The following SENP5 variants were observed in gnomAD, a reference collection of about 807,000 sequenced individuals.
The protein encoded by SENP5 is sentrin-specific protease 5.
In SENP5, 21 loss-of-function variants were observed where a neutral mutation model predicts 74.2. The observed-to-expected ratio is 0.28, with a 90% confidence interval of 0.20 to 0.41. The LOEUF (loss-of-function observed/expected upper bound fraction) is 0.41. Ranked by LOEUF, SENP5 falls within the 10% of genes least tolerant of loss-of-function variation. The pLI, the probability that SENP5 is intolerant of heterozygous loss-of-function variation, is 1.00. For synonymous variants in SENP5, 311 were observed against 312.7 expected (o/e 0.99, Z 0.06); for missense variants, 717 against 889.1 (o/e 0.81, Z 2.46).
intron 7 of SENP5, among the ~76,000 whole-genome samples, chr3:196,924,571 A>G (rs182587503): frequency 1.3e-5 from 2 of 152,150 alleles, no homozygotes; most frequent in Admixed American, 6.6e-5. Flanking sequence ...AAGTGATGCT[A>G]TTCAAGTGTC....
intron 9 of SENP5, 104 bp downstream of exon 9, chr3:196,929,787 C>T (rs769713342): frequency 2.2e-5 from 17 of 772,264 alleles, no homozygotes; most frequent in Non-Finnish European, 3.4e-5. Flanking sequence ...ATGCTAGGTA[C>T]GAGCAACGGA....
intron 7 of SENP5, among the ~76,000 whole-genome samples, chr3:196,924,308 C>T (rs1465047390): frequency 6.6e-6 from 1 of 152,062 alleles, no homozygotes; most frequent in African/African-American, 2.4e-5. Flanking sequence ...AAAGGACAAG[C>T]AACAGACTTG....
intron 5 of SENP5, 110 bp from the exon 6 acceptor site, chr3:196,903,419 TTTCC>T (rs1714780432): frequency 1.0e-5 from 6 of 583,872 alleles, no homozygotes; most frequent in East Asian, 3.1e-5. Flanking sequence ...TGAAGAAATT[TTTCC>T]TTCCTTTTTG....
At chr3:196,894,574 C>T (rs1320827681) in intron 2 of SENP5, among the ~76,000 whole-genome samples, 1 of 151,112 alleles carries the variant, frequency 6.6e-6, no homozygotes, top group Non-Finnish European at 1.5e-5. Flanking sequence ...GTCTGGGAAC[C>T]AATGAAATTA....
chr3:196,888,434 TCAGC>T (rs1714065063), intron 2 of SENP5, among the ~76,000 whole-genome samples: 1 of 151,774 alleles, frequency 6.6e-6, no homozygotes, highest in Non-Finnish European at 1.5e-5. Context: ...AATACAAAAA[TCAGC>T]CAGGTGTTGT....
At chr3:196,921,750 A>C (rs1715628342) in intron 6 of SENP5, among the ~76,000 whole-genome samples, 1 of 152,248 alleles carries the variant, frequency 6.6e-6, no homozygotes, top group Non-Finnish European at 1.5e-5. Flanking sequence ...ATTTTGCTCC[A>C]AGGTCATGAA....
intron 1 of SENP5, among the ~76,000 whole-genome samples, chr3:196,870,681 C>A (rs1186812509): frequency 6.6e-6 from 1 of 151,872 alleles, no homozygotes; most frequent in African/African-American, 2.4e-5. Flanking sequence ...CCACGCCCGG[C>A]TAATTTTTGT....
chr3:196,897,511 C>T (rs566703458), intron 2 of SENP5, among the ~76,000 whole-genome samples: 2 of 152,330 alleles, frequency 1.3e-5, no homozygotes, highest in South Asian at 4.1e-4. Context: ...TATGTTAAGC[C>T]TTGAAAATTG....
chr3:196,883,299 A>T (rs754807241), intron 1 of SENP5, among the ~76,000 whole-genome samples: 2 of 152,086 alleles, frequency 1.3e-5, no homozygotes, highest in Non-Finnish European at 2.9e-5. Flanking sequence ...GACATCCCCA[A>T]ATATCACTAT....
chr3:196,870,815 G>T (rs1331440838), intron 1 of SENP5, among the ~76,000 whole-genome samples: 1 of 152,070 alleles, frequency 6.6e-6, no homozygotes, highest in East Asian at 1.9e-4. Context: ...ACTGTATCCG[G>T]TCAGCAGCAT....
In SENP5 at chr3:196,868,757, A is replaced by G. The variant is rs144805892; in HGVS notation, c.-32+684A>G. ...AGGTAAAGTGGGACTTTCTTCTACCAATGTAAATTATAATGTTTGGAGAAT... is the reference window on the plus strand; with the variant it reads ...AGGTAAAGTGGGACTTTCTTCTACCGATGTAAATTATAATGTTTGGAGAAT... On this transcript the variant is annotated intron_variant, in intron 1 of 9. Coordinates refer to ENST00000323460, the MANE Select transcript of SENP5 (RefSeq NM_152699.5). 4.8e-3 allele frequency among the ~76,000 whole-genome samples: 726 copies of G among 152,338 alleles called. 2 individuals are homozygous for G. The highest frequency in any genetic ancestry group is 9.6e-3 in the East Asian group (50 of 5,192).
At chr3:196,903,312 G>T (rs1714775261) in intron 5 of SENP5, among the ~76,000 whole-genome samples, 1 of 152,080 alleles carries the variant, frequency 6.6e-6, no homozygotes, top group Non-Finnish European at 1.5e-5. Context: ...GCTAATTTTT[G>T]TATTTTTAGG....
intron 2 of SENP5, among the ~76,000 whole-genome samples, chr3:196,893,544 A>G (rs556009428): frequency 6.6e-6 from 1 of 152,288 alleles, no homozygotes; most frequent in Non-Finnish European, 1.5e-5. Flanking sequence ...ATTGGTTACA[A>G]TACAGTATGC....
chr3:196,914,580 A>ATATATATATATATATATATAT (rs1346805512), intron 6 of SENP5: 1 of 70,166 alleles, frequency 1.4e-5, no homozygotes, highest in African/African-American at 6.2e-5. Flanking sequence ...AAAAAAAAAA[A>ATATATATATATATATATATAT]AAAAAAATAT....
rs77096354 is a variant in SENP5, at chr3:196,909,852, A to T, written c.1884+6242A>T. On this transcript the variant is annotated intron_variant, in intron 6 of 9. Coordinates refer to ENST00000323460, the MANE Select transcript of SENP5 (RefSeq NM_152699.5). The stretch of plus-strand genomic sequence containing the variant: ...CTTTGAAAACTGGCACAAGACAAGG[A>T]TGCCCTCTCCCATCACTTCTATTCA... 7.1e-3 allele frequency among the ~76,000 whole-genome samples: 1,080 copies of T among 152,312 alleles called. 8 individuals carry two copies. The highest frequency in any genetic ancestry group is 0.025 in the African/African-American group (1,024 of 41,572).
chr3:196,901,334 C>T (rs56298790), intron 5 of SENP5, among the ~76,000 whole-genome samples: 65,390 of 151,830 alleles, frequency 0.43, 14,693 homozygotes, highest in South Asian at 0.58. Context: ...TGTGAGCCAC[C>T]ATGCCAGGCC....
intron 2 of SENP5, among the ~76,000 whole-genome samples, chr3:196,889,409 T>C (rs1714112690): frequency 6.6e-6 from 1 of 152,196 alleles, no homozygotes; most frequent in African/African-American, 2.4e-5. Flanking sequence ...CCTGAGGAAG[T>C]AGGAATTCTT....
At chr3:196,898,416 C>G (rs903188118) in intron 2 of SENP5, among the ~76,000 whole-genome samples, 1 of 151,058 alleles carries the variant, frequency 6.6e-6, no homozygotes, top group Non-Finnish European at 1.5e-5. Context: ...AGCAACATAG[C>G]AAGACCCTCA....
At chr3:196,927,659 G>T (rs1187436835) in intron 7 of SENP5, 137 bp from the exon 8 acceptor site, 112 of 399,912 alleles carry the variant, frequency 2.8e-4, no homozygotes, top group East Asian at 5.2e-4. Context: ...AAAAAAAATT[G>T]TTCCAGCTTC....
Sources: allele counts gnomAD v4.1 joint callset (sites outside exome capture counted in the v4.1 genomes callset), GRCh38; gene constraint gnomAD v4.1.1; transcripts MANE v1.5; gene names NCBI Gene and HGNC (gene_info 2026-07-23, HGNC 2026-07-21).